PKP4: variants seen among roughly 807,000 people sequenced by gnomAD.
The protein encoded by PKP4 is plakophilin 4, also known as plakophilin-4.
Under a neutral mutation model 145.1 loss-of-function variants are expected in PKP4, and 90 were observed. The observed-to-expected ratio is 0.62, with a 90% confidence interval of 0.52 to 0.74. PKP4 has a LOEUF of 0.74. PKP4 is among the 30% of genes least tolerant of loss of function. PKP4 has a pLI of 0.00. For missense variants in PKP4, 1,340 were observed against 1,482.7 expected (o/e 0.90, Z 1.58); for synonymous variants, 563 against 577.2 (o/e 0.98, Z 0.35).
chr2:158,572,610 A>G (rs1415673919), intron 2 of PKP4, among the ~76,000 whole-genome samples: 1 of 152,182 alleles, frequency 6.6e-6, no homozygotes, highest in African/African-American at 2.4e-5. Flanking sequence ...CCAAAACTAC[A>G]ACATTGGCTA....
chr2:158,496,083 C>G lies in PKP4; in HGVS notation c.-5-37097C>G, dbSNP rs1038022276. Among the ~76,000 whole-genome samples the G allele has an allele frequency of 3.9e-5, 6 of 152,030 alleles. 1 individual carries two copies. In the Middle Eastern group the frequency reaches 0.01, roughly 259 times the overall value. On this transcript the variant is annotated intron_variant, in intron 1 of 21. Transcript: ENST00000389759. ...GCAAGCTCCACCTCCTGGGTTCACACAGTTCTCCCACCTCAGCCTCCTGAG... is the reference window on the plus strand; with the variant it reads ...GCAAGCTCCACCTCCTGGGTTCACAGAGTTCTCCCACCTCAGCCTCCTGAG...
intron 3 of PKP4, among the ~76,000 whole-genome samples, chr2:158,601,432 A>G (rs1432602825): frequency 6.6e-6 from 1 of 152,206 alleles, no homozygotes; most frequent in African/African-American, 2.4e-5. Flanking sequence ...ACTAATTTAG[A>G]TAATAGAATT....
chr2:158,496,790 G>GTCTGTGTCTGTGTC (rs1553545779), intron 1 of PKP4, among the ~76,000 whole-genome samples: 3 of 150,072 alleles, frequency 2.0e-5, no homozygotes, highest in Non-Finnish European at 4.4e-5. Flanking sequence ...GTGTGTGTGT[G>GTCTGTGTCTGTGTC]TGTGTCTGTG....
intron 1 of PKP4, among the ~76,000 whole-genome samples, chr2:158,489,829 TCA>T (rs1040911625): frequency 7.2e-5 from 11 of 152,186 alleles, no homozygotes; most frequent in African/African-American, 2.4e-4. Flanking sequence ...AGCGAAACTC[TCA>T]CAGTCTATAG....
At chr2:158,672,246 G>A (rs1332695509) in intron 17 of PKP4, among the ~76,000 whole-genome samples, 2 of 152,218 alleles carry the variant, frequency 1.3e-5, no homozygotes, top group Non-Finnish European at 2.9e-5. Context: ...AAGAGAAGAT[G>A]GGATGGTGGA....
chr2:158,504,359 T>G (rs1313500083), intron 1 of PKP4, among the ~76,000 whole-genome samples: 1 of 152,222 alleles, frequency 6.6e-6, no homozygotes, highest in Non-Finnish European at 1.5e-5. Context: ...ATTGTCCTAC[T>G]TCCCCGCAGT....
chr2:158,640,943 A>G (rs577455269), intron 10 of PKP4, among the ~76,000 whole-genome samples, 184 bp downstream of exon 10: 124 of 152,362 alleles, frequency 8.1e-4, no homozygotes, highest in African/African-American at 2.7e-3. Context: ...ACTAGGATAC[A>G]TATATTTCTT....
At chr2:158,466,289 C>G (rs1232680621) in intron 1 of PKP4, among the ~76,000 whole-genome samples, 2 of 152,142 alleles carry the variant, frequency 1.3e-5, no homozygotes, top group Non-Finnish European at 2.9e-5. Flanking sequence ...TGGTCTGAGA[C>G]CCTGATACCA....
Position 158,624,860 on chromosome 2 carries a change from T to A in PKP4, c.604-18T>A. On this transcript the variant is annotated intron_variant, in intron 6 of 21. Transcript: ENST00000389759. ...ACCCTGGATAAACCCATTCTCTTTT[T>A]TCCCCCCCTTTCATCAGCCATCAGT... 2 of 1,547,380 alleles carry A rather than the reference T, an allele frequency of 1.3e-6. No homozygotes were observed. Among genetic ancestry groups the A allele is most frequent in the Non-Finnish European group, 1.7e-6 (2 of 1,145,510 alleles).
intron 1 of PKP4, among the ~76,000 whole-genome samples, chr2:158,488,951 A>G (rs1460057252): frequency 6.6e-6 from 1 of 152,196 alleles, no homozygotes; most frequent in Non-Finnish European, 1.5e-5. Flanking sequence ...ATGTGTCTTC[A>G]TTTGCATCAA....
chr2:158,628,628 C>T (rs1234591033), intron 7 of PKP4, among the ~76,000 whole-genome samples: 7 of 152,190 alleles, frequency 4.6e-5, no homozygotes, highest in Non-Finnish European at 7.3e-5. Context: ...GAGTGAACAT[C>T]TGCTGGTTAT....
At chr2:158,567,417 T>C (rs953766187) in intron 2 of PKP4, among the ~76,000 whole-genome samples, 7 of 152,222 alleles carry the variant, frequency 4.6e-5, no homozygotes, top group Non-Finnish European at 7.3e-5. Context: ...CAGAAGGTCT[T>C]AAAACAAGGC....
At chr2:158,573,642 A>G (rs776679411) in intron 2 of PKP4, among the ~76,000 whole-genome samples, 1 of 138,404 alleles carries the variant, frequency 7.2e-6, no homozygotes. Flanking sequence ...AATCTATCAT[A>G]GAAATGGAAG....
chr2:158,680,771 A>C lies in PKP4; in HGVS notation c.*94A>C. 1 of 1,124,066 alleles carries C rather than the reference A, an allele frequency of 8.9e-7. No individual in the cohort carries two copies. Among genetic ancestry groups the C allele is most frequent in the Non-Finnish European group, 1.3e-6 (1 of 784,042 alleles). The allele number at this position is 1,124,066 out of a possible 1,614,324, so 69.6% of individuals were successfully genotyped here. A position where few individuals can be genotyped will look rare whatever the true frequency, so the allele number is the denominator to read the frequency against. On this transcript the variant is annotated 3_prime_UTR_variant, in exon 22 of 22. Coordinates refer to ENST00000389759, the MANE Select transcript of PKP4 (RefSeq NM_003628.6). The stretch of plus-strand genomic sequence containing the variant: ...TGCTGATTTGATGATTGAAATGTGA[A>C]AGTGAAGTGGAAGGAATGAATGAAG...
chr2:158,566,901 T>C (rs2047033086), intron 2 of PKP4, among the ~76,000 whole-genome samples: 1 of 152,084 alleles, frequency 6.6e-6, no homozygotes, highest in South Asian at 2.1e-4. Context: ...AAAAAGTAAA[T>C]GAAAATAAAT....
intron 10 of PKP4, among the ~76,000 whole-genome samples, chr2:158,641,605 A>G (rs1284323041): frequency 6.6e-6 from 1 of 152,180 alleles, no homozygotes; most frequent in East Asian, 1.9e-4. Context: ...CCACTGTGTT[A>G]TATAAAACTG....
At chr2:158,475,580 C>G (rs1017423951) in intron 1 of PKP4, among the ~76,000 whole-genome samples, 2 of 152,244 alleles carry the variant, frequency 1.3e-5, no homozygotes, top group African/African-American at 4.8e-5. Context: ...GAAGACTTCT[C>G]TGCCACCTAC....
At chr2:158,557,155 T>C (rs1245775093) in intron 2 of PKP4, among the ~76,000 whole-genome samples, 1 of 152,172 alleles carries the variant, frequency 6.6e-6, no homozygotes, top group Non-Finnish European at 1.5e-5. Flanking sequence ...GCCTCTCCCA[T>C]AGAAATTATT....
At chr2:158,493,222 G>T (rs1695204347) in intron 1 of PKP4, among the ~76,000 whole-genome samples, 1 of 151,794 alleles carries the variant, frequency 6.6e-6, no homozygotes, top group Admixed American at 6.6e-5. Context: ...ATACCCCTTT[G>T]CTGTCTTCCC....
Sources: gnomAD v4.1 joint callset for allele counts (sites outside exome capture counted in the v4.1 genomes callset) on GRCh38, gnomAD v4.1.1 for gene constraint, MANE v1.5 for transcripts, NCBI Gene and HGNC (gene_info 2026-07-23, HGNC 2026-07-21) for gene names.